The following EPM2A variants were observed in gnomAD, a reference collection of about 807,000 sequenced individuals.
EPM2A encodes EPM2A glucan phosphatase, laforin.
A neutral mutation model predicts 26.5 loss-of-function variants in EPM2A; 21 were observed. That is an observed-to-expected ratio of 0.79 (90% CI 0.56 to 1.14). The LOEUF is 1.14. Ranked by LOEUF, EPM2A falls within the 50% of genes most tolerant of loss-of-function variation. The probability of loss-of-function intolerance (pLI) is 0.00; values close to 1 mark genes in which losing one functional copy is unlikely to be tolerated. For missense variants in EPM2A, 458 were observed against 440.8 expected, an observed-to-expected ratio of 1.04 and a Z score of -0.35; for synonymous variants, 217 against 177.6, an observed-to-expected ratio of 1.22 and a Z score of -1.76.
chr6:145,514,505 G>A (rs770592121), intron 2 of EPM2A, among the ~76,000 whole-genome samples: 8 of 152,128 alleles, frequency 5.3e-5, no homozygotes, highest in Admixed American at 1.3e-4. Flanking sequence ...ACTAAAAACT[G>A]TGGATTCAGT....
rs538717552 is a variant in EPM2A, at chr6:145,627,668, C to T, written c.744G>A (p.Ala248=). Residue 248 remains alanine (A), a synonymous_variant, in exon 4 of 4, where the codon GCG becomes GCA. Transcript: ENST00000367519. ...TEGRVQMLPQ[A]VCLLHALLEK... ...CCAGCAGCGCATGCAGCAGGCACAC[C>T]GCCTGGGGCAGCATCTGTACTCGGC... is the stretch of plus-strand genomic sequence containing the variant. The T allele has an allele frequency of 1.3e-5, 21 of 1,614,144 alleles. 1 individual carries two copies. In the African/African-American group the frequency reaches 1.3e-4, roughly 10 times the overall value.
At chr6:145,441,639 G>A (rs186953578) in intron 4 of EPM2A, among the ~76,000 whole-genome samples, 97 of 152,254 alleles carry the variant, frequency 6.4e-4, no homozygotes, top group African/African-American at 2.3e-3. Context: ...TGAGGCAGGT[G>A]GATCACCTGA....
chr6:145,719,914 T>C (rs1398921545), intron 1 of EPM2A, among the ~76,000 whole-genome samples: 1 of 150,114 alleles, frequency 6.7e-6, no homozygotes, highest in Non-Finnish European at 1.5e-5. Context: ...CAGTGGTTAA[T>C]ACCAAAATAA....
At chr6:145,609,960 T>C (rs770849453) in intron 2 of EPM2A, among the ~76,000 whole-genome samples, 2 of 152,336 alleles carry the variant, frequency 1.3e-5, no homozygotes, top group Non-Finnish European at 2.9e-5. Context: ...CTCATGCCTG[T>C]AATCCCAGCA....
chr6:145,624,328 C>T (rs922335887), downstream of EPM2A, among the ~76,000 whole-genome samples: 16 of 152,210 alleles, frequency 1.1e-4, no homozygotes, highest in African/African-American at 2.9e-4. Context: ...ACAGAAAACA[C>T]CTGCCTTTTC....
At chr6:145,680,437 A>T (rs1046737044) in intron 2 of EPM2A, among the ~76,000 whole-genome samples, 2 of 151,498 alleles carry the variant, frequency 1.3e-5, no homozygotes, top group East Asian at 3.9e-4. Flanking sequence ...CATGTGCACA[A>T]TGTGCAGGTT....
intron 4 of EPM2A, among the ~76,000 whole-genome samples, chr6:145,407,251 T>C (rs1778581620): frequency 6.6e-6 from 1 of 152,124 alleles, no homozygotes; most frequent in East Asian, 1.9e-4. Flanking sequence ...ACAAAAGACA[T>C]ACACTAAGTA....
intron 4 of EPM2A, among the ~76,000 whole-genome samples, chr6:145,469,061 G>T (rs943602535): frequency 3.3e-5 from 5 of 152,096 alleles, no homozygotes; most frequent in Admixed American, 1.3e-4. Flanking sequence ...AAAAGAAAGA[G>T]GTTTAATTGA....
In EPM2A at chr6:145,627,406, G is replaced by A; in HGVS notation, c.*10C>T. On this transcript the variant is annotated 3_prime_UTR_variant, in exon 4 of 4. Transcript: ENST00000367519. ...GGGAAATCAGGAGGGGGCAGAAGCA[G>A]GCTGACCAGCTACAGGCTACACACA... 2 of 1,614,032 alleles carry A rather than the reference G, an allele frequency of 1.2e-6. No individual in the cohort carries two copies. Among genetic ancestry groups the A allele is most frequent in the Non-Finnish European group, 1.7e-6 (2 of 1,180,044 alleles).
chr6:145,655,260 C>A (rs1307182615), intron 2 of EPM2A, among the ~76,000 whole-genome samples: 1 of 151,280 alleles, frequency 6.6e-6, no homozygotes, highest in Non-Finnish European at 1.5e-5. Flanking sequence ...TATTTAAGTG[C>A]CCAAATGTCT....
At chr6:145,410,798 A>G (rs779122573) in intron 4 of EPM2A, among the ~76,000 whole-genome samples, 28 of 152,214 alleles carry the variant, frequency 1.8e-4, no homozygotes, top group Non-Finnish European at 3.4e-4. Flanking sequence ...CCAAGTTTAT[A>G]AAGACATGTT....
chr6:145,490,742 T>G, intron 4 of EPM2A: 1 of 562,648 alleles, frequency 1.8e-6, no homozygotes, highest in Non-Finnish European at 3.5e-6. Flanking sequence ...AACAAGTCCT[T>G]CACATGTGAA....
intron 2 of EPM2A, among the ~76,000 whole-genome samples, chr6:145,676,752 A>C (rs1780072587): frequency 6.6e-6 from 1 of 152,196 alleles, no homozygotes; most frequent in Non-Finnish European, 1.5e-5. Context: ...CTCTGAATAG[A>C]CCAATAACAG....
intron 1 of EPM2A, among the ~76,000 whole-genome samples, chr6:145,698,421 TG>T (rs1781735695): frequency 6.6e-6 from 1 of 152,110 alleles, no homozygotes; most frequent in Non-Finnish European, 1.5e-5. Flanking sequence ...AAGCCTCCAG[TG>T]GGGATCTTTG....
intron 4 of EPM2A, among the ~76,000 whole-genome samples, chr6:145,443,092 C>T (rs1163456895): frequency 1.3e-5 from 2 of 151,928 alleles, no homozygotes; most frequent in African/African-American, 4.8e-5. Flanking sequence ...ATGATGGTCT[C>T]GATCTCCTGA....
intron 2 of EPM2A, chr6:145,639,994 TATTTTCTTAGACTGC>T (rs1776971367): frequency 6.6e-6 from 1 of 152,226 alleles, no homozygotes; most frequent in Non-Finnish European, 1.5e-5. Context: ...TCTGGAACCT[TATTTTCTTAGACTGC>T]AAATCAAAAT....
chr6:145,537,581 G>A (rs1780448643), intron 2 of EPM2A, among the ~76,000 whole-genome samples: 2 of 133,146 alleles, frequency 1.5e-5, no homozygotes, highest in South Asian at 4.9e-4. Flanking sequence ...CCTACAAGAG[G>A]TTTTTTTTTT....
chr6:145,391,590 C>T (rs1044260283), intron 4 of EPM2A, among the ~76,000 whole-genome samples: 2 of 152,202 alleles, frequency 1.3e-5, no homozygotes, highest in Non-Finnish European at 1.5e-5. Context: ...CCAACCCATT[C>T]AGCATAAATT....
intron 2 of EPM2A, among the ~76,000 whole-genome samples, chr6:145,528,042 A>G (rs1217476319): frequency 1.3e-5 from 2 of 152,186 alleles, no homozygotes; most frequent in Non-Finnish European, 2.9e-5. Context: ...CCCTTAAACT[A>G]AAGCCTAATC....
Sources: allele counts gnomAD v4.1 joint callset (sites outside exome capture counted in the v4.1 genomes callset), GRCh38; gene constraint gnomAD v4.1.1; transcripts MANE v1.5; gene names NCBI Gene and HGNC (gene_info 2026-07-23, HGNC 2026-07-21).